The following PLPP3 variants were observed in gnomAD, a reference collection of about 807,000 sequenced individuals.
PLPP3 encodes the protein PAP2 beta.
In PLPP3, 6 loss-of-function variants were observed where a neutral mutation model predicts 29.6. The ratio of observed to expected loss-of-function variants is 0.20; its 90% CI spans 0.11 to 0.40. PLPP3 has a LOEUF of 0.40. Ranked by LOEUF, PLPP3 falls within the 10% of genes least tolerant of loss-of-function variation. PLPP3 has a pLI of 1.00. For synonymous variants in PLPP3, 152 were observed against 159.7 expected (o/e 0.95, Z 0.36); for missense variants, 308 against 407.7 (o/e 0.76, Z 2.11).
At chr1:56,536,371 C>T (rs1442439096) in intron 2 of PLPP3, among the ~76,000 whole-genome samples, 3 of 152,100 alleles carry the variant, frequency 2.0e-5, no homozygotes, top group East Asian at 1.9e-4. Flanking sequence ...AAACTACTGC[C>T]AAATGGACTG....
chr1:56,507,952 G>C (rs1645714629), intron 5 of PLPP3, among the ~76,000 whole-genome samples: 2 of 152,132 alleles, frequency 1.3e-5, no homozygotes. Flanking sequence ...GCTCCAGAAA[G>C]CTAGAAAAAG....
intron 2 of PLPP3, among the ~76,000 whole-genome samples, chr1:56,532,318 T>C (rs1645895086): frequency 2.0e-5 from 3 of 152,110 alleles, no homozygotes; most frequent in South Asian, 2.1e-4. Context: ...ACAGATGTAG[T>C]GGATTGTAAA....
chr1:56,562,592 T>C (rs1646138277), intron 1 of PLPP3, among the ~76,000 whole-genome samples: 1 of 152,194 alleles, frequency 6.6e-6, no homozygotes, highest in African/African-American at 2.4e-5. Context: ...TACCATTTGG[T>C]CTCAAAAGCT....
At chr1:56,510,854 C>G (rs1645736461) in intron 5 of PLPP3, among the ~76,000 whole-genome samples, 1 of 152,138 alleles carries the variant, frequency 6.6e-6, no homozygotes, top group Admixed American at 6.5e-5. Context: ...CAAGAACTTA[C>G]AGCCTAAAAG....
Position 56,518,715 on chromosome 1 carries a change from T to TTTTA in PLPP3, c.633+5107_633+5108insTAAA, listed in dbSNP as rs1553136509. Reference sequence around the variant, plus strand: ...GGAATTTACAGCCTTTTTTAATCATTTATATATATATATATATATAGACAG... The same window carrying TTTTA: ...GGAATTTACAGCCTTTTTTAATCATTTTTATATATATATATATATATATAGACAG... On this transcript the variant is annotated intron_variant, in intron 4 of 5. Transcript: ENST00000371250. Among the ~76,000 whole-genome samples, 9 of 126,692 alleles carry TTTTA rather than the reference T, an allele frequency of 7.1e-5. 1 individual carries two copies. Among genetic ancestry groups the TTTTA allele is most frequent in the Middle Eastern group, 8.2e-3 (2 of 244 alleles). The allele number at this position is 126,692 out of a possible 152,430, so 83.1% of individuals were successfully genotyped here.
intron 3 of PLPP3, 64 bp from the exon 4 acceptor site, chr1:56,523,944 C>A: frequency 1.3e-6 from 2 of 1,548,124 alleles, no homozygotes; most frequent in South Asian, 2.2e-5. Context: ...ACTTGTCTGT[C>A]TGTCTTCCCT....
chr1:56,524,204 G>T lies in PLPP3; in HGVS notation c.575+73C>A. 1 of 1,549,498 alleles carries T rather than the reference G, an allele frequency of 6.5e-7. No individual in the cohort carries two copies. The highest frequency in any genetic ancestry group is 8.8e-7 in the Non-Finnish European group (1 of 1,136,740). On this transcript the variant is annotated intron_variant, in intron 3 of 5. Transcript: ENST00000371250. This position sits in a 1 kb window ranked among gnomAD's most constrained non-coding sequence, Gnocchi z 4.3. Reference sequence around the variant, plus strand: ...ATTCACCCATCTAAACCAGGGCCCAGCTAGTAAGTGCTCACTGAACTGCAC... The same window carrying T: ...ATTCACCCATCTAAACCAGGGCCCATCTAGTAAGTGCTCACTGAACTGCAC...
intron 1 of PLPP3, among the ~76,000 whole-genome samples, chr1:56,564,097 T>C (rs1557515660): frequency 2.0e-5 from 3 of 152,220 alleles, no homozygotes; most frequent in African/African-American, 4.8e-5. Context: ...TCTTAATTCT[T>C]GGAGGAAAGA....
chr1:56,551,034 GC>G (rs1176314747), intron 1 of PLPP3, among the ~76,000 whole-genome samples: 2 of 152,184 alleles, frequency 1.3e-5, no homozygotes, highest in South Asian at 2.1e-4. Context: ...CTCTGGCAAA[GC>G]CCCACTCTCC....
intron 1 of PLPP3, among the ~76,000 whole-genome samples, chr1:56,542,161 G>T (rs1014486826): frequency 5.3e-5 from 8 of 152,092 alleles, no homozygotes; most frequent in South Asian, 4.1e-4. Flanking sequence ...ATGAAGAAAG[G>T]CCCCTGTGTT....
In PLPP3 at chr1:56,510,514, C is replaced by T. The variant is rs1358792541; in HGVS notation, c.810+1462G>A. ...ATTGCTGCAACTCCTTCTCCCTCTTCTTGACCCCTGCACATGGAGTCAGGT... is the reference window on the plus strand; with the variant it reads ...ATTGCTGCAACTCCTTCTCCCTCTTTTTGACCCCTGCACATGGAGTCAGGT... On this transcript the variant is annotated intron_variant, in intron 5 of 5. Transcript: ENST00000371250. Among the ~76,000 whole-genome samples the T allele has an allele frequency of 1.2e-4, 18 of 152,248 alleles. 1 individual carries two copies. Among genetic ancestry groups the T allele is most frequent in the Admixed American group, 1.2e-3 (18 of 15,290 alleles).
At chr1:56,558,632 G>A (rs1160363180) in intron 1 of PLPP3, among the ~76,000 whole-genome samples, 4 of 152,054 alleles carry the variant, frequency 2.6e-5, no homozygotes, top group Admixed American at 6.6e-5. Context: ...TTTTCTCTCC[G>A]GACACCTGTA....
intron 1 of PLPP3, among the ~76,000 whole-genome samples, chr1:56,558,637 C>A (rs759314307): frequency 2.0e-5 from 3 of 152,190 alleles, no homozygotes; most frequent in Non-Finnish European, 4.4e-5. Flanking sequence ...TCTCCGGACA[C>A]CTGTAAAGTA....
At position 56,523,927 on chromosome 1, in the gene PLPP3, G is replaced by C. The variant is rs766815986; in HGVS notation, c.576-47C>G. On this transcript the variant is annotated intron_variant, in intron 3 of 5. Transcript: ENST00000371250. ...ATGAAAGGGCCGTATTCACATCCCT[G>C]ATACACACTTGTCTGTCTGTCTTCC... is the stretch of plus-strand genomic sequence containing the variant. The C allele has an allele frequency of 2.5e-6, 4 of 1,578,666 alleles. No homozygotes were observed. In the South Asian group the frequency reaches 4.4e-5, roughly 18 times the overall value.
At chr1:56,512,948 G>T (rs938499274) in intron 4 of PLPP3, 2 of 152,086 alleles carry the variant, frequency 1.3e-5, no homozygotes, top group Admixed American at 1.3e-4. Context: ...ACTACCTGGT[G>T]TCAGCACGGA....
chr1:56,526,465 T>C (rs897782166), intron 2 of PLPP3, among the ~76,000 whole-genome samples: 3 of 152,212 alleles, frequency 2.0e-5, no homozygotes, highest in African/African-American at 7.2e-5. Flanking sequence ...CATGATCTAA[T>C]TCCCCTTTTG....
chr1:56,558,981 T>C (rs1383956293), intron 1 of PLPP3, among the ~76,000 whole-genome samples: 4 of 152,210 alleles, frequency 2.6e-5, no homozygotes, highest in Non-Finnish European at 5.9e-5. Context: ...TGAAAGACCA[T>C]TTAATTCAAC....
intron 5 of PLPP3, among the ~76,000 whole-genome samples, chr1:56,504,243 C>A (rs571582549): frequency 6.6e-6 from 1 of 152,148 alleles, no homozygotes; most frequent in Admixed American, 6.5e-5. Context: ...AGTGGGAGGA[C>A]GGCTTGAGCC....
At chr1:56,555,153 C>T (rs1646065394) in intron 1 of PLPP3, among the ~76,000 whole-genome samples, 1 of 152,070 alleles carries the variant, frequency 6.6e-6, no homozygotes, top group African/African-American at 2.4e-5. Context: ...GAACACCACT[C>T]ACAGGCTTCA....
Sources: allele counts gnomAD v4.1 joint callset (sites outside exome capture counted in the v4.1 genomes callset), GRCh38; gene constraint gnomAD v4.1.1; non-coding constraint Gnocchi (gnomAD v3.1); transcripts MANE v1.5; gene names NCBI Gene and HGNC (gene_info 2026-07-23, HGNC 2026-07-21).